The following ABI3BP variants were observed in gnomAD, a reference collection of about 807,000 sequenced individuals.
ABI3BP encodes the protein ABI family member 3 binding protein.
ABI3BP carries 216 observed loss-of-function variants against 268.6 expected under a neutral mutation model. The ratio of observed to expected loss-of-function variants is 0.80; its 90% confidence interval spans 0.72 to 0.90. ABI3BP has a LOEUF of 0.90. Ranked by LOEUF, ABI3BP falls within the 40% of genes least tolerant of loss-of-function variation. The pLI is 0.00. For missense variants in ABI3BP, 2,090 were observed against 2,182.4 expected, an observed-to-expected ratio of 0.96 and a Z score of 0.84; for synonymous variants, 730 against 730.0, an observed-to-expected ratio of 1.00 and a Z score of 0.00.
At chr3:100,895,053 A>G (rs2047034696) in intron 4 of ABI3BP, among the ~76,000 whole-genome samples, 1 of 151,676 alleles carries the variant, frequency 6.6e-6, no homozygotes, top group South Asian at 2.1e-4. Flanking sequence ...CGCTGGCAAA[A>G]GAGTGAGAAC....
In ABI3BP at chr3:100,786,706, A is replaced by G. The variant is rs146170900; in HGVS notation, c.4162+1022T>C. ...GTTTACAGCCAGATTGCTTATGTCA[A>G]TCTGAAAAATTGTGCACCATCTAAT... On this transcript the variant is annotated intron_variant, in intron 57 of 67. Coordinates refer to ENST00000471714, the MANE Select transcript of ABI3BP (RefSeq NM_001375547.2). 1.7e-4 allele frequency among the ~76,000 whole-genome samples: 26 copies of G among 152,310 alleles called. No homozygotes were observed. In the East Asian group the frequency reaches 2.3e-3, roughly 14 times the overall value.
At chr3:100,991,292 T>G (rs1010476248) in intron 1 of ABI3BP, among the ~76,000 whole-genome samples, 1 of 143,600 alleles carries the variant, frequency 7.0e-6, no homozygotes, top group African/African-American at 2.5e-5. Context: ...GTAAAAACTT[T>G]TACTCTTTTT....
At chr3:100,968,251 A>T (rs758664259) in intron 1 of ABI3BP, among the ~76,000 whole-genome samples, 1 of 152,218 alleles carries the variant, frequency 6.6e-6, no homozygotes, top group Non-Finnish European at 1.5e-5. Flanking sequence ...ATATGTATAT[A>T]TATTTTTCCT....
chr3:100,964,282 A>G (rs543955152), intron 1 of ABI3BP, among the ~76,000 whole-genome samples: 1 of 152,300 alleles, frequency 6.6e-6, no homozygotes, highest in South Asian at 2.1e-4. Context: ...CATTTGCATA[A>G]TAAGATTAGG....
intron 67 of ABI3BP, among the ~76,000 whole-genome samples, chr3:100,751,238 C>T (rs1027703): frequency 0.041 from 6,179 of 152,020 alleles, 373 homozygotes; most frequent in African/African-American, 0.13. Flanking sequence ...ATAAAAATAA[C>T]GCAAGTACAC....
intron 46 of ABI3BP, among the ~76,000 whole-genome samples, 156 bp from the exon 47 acceptor site, chr3:100,811,955 A>G (rs1348939882): frequency 6.6e-6 from 1 of 152,142 alleles, no homozygotes; most frequent in African/African-American, 2.4e-5. Context: ...GATGACCACA[A>G]TTTAGGAGGG....
intron 4 of ABI3BP, among the ~76,000 whole-genome samples, chr3:100,893,259 T>C (rs1343737634): frequency 6.6e-6 from 1 of 152,160 alleles, no homozygotes. Flanking sequence ...AAAGCTGCAT[T>C]GTCAGCTTCC....
chr3:100,766,810 C>T (rs2096288453), intron 62 of ABI3BP, among the ~76,000 whole-genome samples: 1 of 152,168 alleles, frequency 6.6e-6, no homozygotes, highest in Admixed American at 6.5e-5. Context: ...AAACCCCACT[C>T]AAAATCAGCT....
chr3:100,951,223 G>A (rs2074841109), intron 1 of ABI3BP, among the ~76,000 whole-genome samples: 2 of 151,708 alleles, frequency 1.3e-5, no homozygotes, highest in East Asian at 3.9e-4. Flanking sequence ...TAATGCATCT[G>A]CCCTCACATG....
intron 63 of ABI3BP, among the ~76,000 whole-genome samples, chr3:100,758,112 A>C (rs1174760699): frequency 2.6e-5 from 4 of 151,830 alleles, no homozygotes; most frequent in African/African-American, 9.7e-5. Flanking sequence ...AAACAAACAA[A>C]AAAAAAACAA....
chr3:100,840,367 A>G (rs1308980485), intron 22 of ABI3BP, among the ~76,000 whole-genome samples: 1 of 152,192 alleles, frequency 6.6e-6, no homozygotes, highest in Non-Finnish European at 1.5e-5. Flanking sequence ...TAAACTGTCC[A>G]AGAGATCTGT....
At chr3:100,958,578 G>A (rs2077660467) in intron 1 of ABI3BP, among the ~76,000 whole-genome samples, 1 of 151,864 alleles carries the variant, frequency 6.6e-6, no homozygotes, top group Non-Finnish European at 1.5e-5. Flanking sequence ...TTCCACTTAG[G>A]ATGTAAACAT....
chr3:100,952,671 A>G (rs1484465151), intron 1 of ABI3BP: 5 of 152,188 alleles, frequency 3.3e-5, no homozygotes, highest in Non-Finnish European at 7.4e-5. Context: ...ATGTATACAG[A>G]GATGGTTAGC....
At chr3:100,794,777 C>T (rs1430369325) in intron 54 of ABI3BP, 146 bp downstream of exon 54, 2 of 619,142 alleles carry the variant, frequency 3.2e-6, no homozygotes, top group Non-Finnish European at 5.7e-6. Context: ...GACAAATACA[C>T]AGTTAATGTA....
intron 3 of ABI3BP, among the ~76,000 whole-genome samples, chr3:100,900,245 T>C (rs1287903430): frequency 6.6e-6 from 1 of 152,230 alleles, no homozygotes; most frequent in Non-Finnish European, 1.5e-5. Context: ...TGAGCTCCAA[T>C]GAGGGCAGAT....
At chr3:100,913,000 T>A (rs556584707) in intron 2 of ABI3BP, among the ~76,000 whole-genome samples, 2 of 152,152 alleles carry the variant, frequency 1.3e-5, no homozygotes, top group African/African-American at 4.8e-5. Context: ...ACTGAAGAAG[T>A]CAGTCTAGGC....
chr3:100,765,801 G>T, intron 63 of ABI3BP, 40 bp downstream of exon 63: 1 of 1,405,124 alleles, frequency 7.1e-7, no homozygotes, highest in Non-Finnish European at 1.0e-6. Context: ...TATAACTTTT[G>T]CACTCTCAGA....
At chr3:100,961,032 G>A (rs1450370180) in intron 1 of ABI3BP, among the ~76,000 whole-genome samples, 1 of 152,190 alleles carries the variant, frequency 6.6e-6, no homozygotes, top group Non-Finnish European at 1.5e-5. Flanking sequence ...AAACTGCTAG[G>A]TTGGTGGTAA....
At chr3:100,828,159 TAGAGAAC>T (rs2098422321) in intron 34 of ABI3BP, among the ~76,000 whole-genome samples, 1 of 152,194 alleles carries the variant, frequency 6.6e-6, no homozygotes, top group South Asian at 2.1e-4. Context: ...TCTCCCTTAA[TAGAGAAC>T]TCTGGTTAAG....
Sources: gnomAD v4.1 joint callset for allele counts (sites outside exome capture counted in the v4.1 genomes callset) on GRCh38, gnomAD v4.1.1 for gene constraint, MANE v1.5 for transcripts, NCBI Gene and HGNC (gene_info 2026-07-23, HGNC 2026-07-21) for gene names.